Variants in BSN observed in about 807,000 individuals in gnomAD.
BSN encodes the protein protein bassoon.
BSN carries 57 observed loss-of-function variants against 264.8 expected under a neutral mutation model. The ratio of observed to expected loss-of-function variants is 0.22; its 90% confidence interval spans 0.17 to 0.27. BSN has a LOEUF of 0.27. Among genes scored for constraint, BSN ranks in the 10% least tolerant of loss-of-function variants. The pLI is 1.00. For missense variants in BSN, 4,615 were observed against 5,232.5 expected, an observed-to-expected ratio of 0.88 and a Z score of 3.64; for synonymous variants, 2,059 against 2,137.3, an observed-to-expected ratio of 0.96 and a Z score of 1.01.
intron 1 of BSN, among the ~76,000 whole-genome samples, chr3:49,572,694 C>T (rs368979778): frequency 2.5e-4 from 38 of 152,252 alleles, no homozygotes; most frequent in African/African-American, 7.0e-4. Context: ...CCACCACGCC[C>T]GGCTAATTTT....
chr3:49,661,572 G>A lies in BSN; in HGVS notation c.9727G>A (p.Asp3243Asn). Residue 3243 changes from aspartate (D) to asparagine (N), a missense_variant, in exon 6 of 12, where the codon GAC becomes AAC. This residue lies in a region of BSN where 3,415 missense variants were observed against 3,866.4 expected (regional missense o/e 0.88). Transcript: ENST00000296452. ...MIDDISELTK[D>N]STSTAPDSQR... ...TGATGACATCAGTGAACTGACCAAG[G>A]ACAGCACCTCTACTGCTCCTGATAG... The A allele has an allele frequency of 6.2e-7, 1 of 1,613,966 alleles. No individual in the cohort carries two copies. Among genetic ancestry groups the A allele is most frequent in the Non-Finnish European group, 8.5e-7 (1 of 1,180,046 alleles).
intron 2 of BSN, among the ~76,000 whole-genome samples, chr3:49,639,199 C>CT (rs71631022): frequency 0.27 from 36,077 of 133,834 alleles, 5,436 homozygotes; most frequent in Non-Finnish European, 0.3. Context: ...CTTTCTTTTT[C>CT]TTTTTTTTTT....
rs771251606 is a variant in BSN, at chr3:49,653,368, G to C, written c.3812G>C (p.Arg1271Pro). The C allele has an allele frequency of 5.0e-6, 8 of 1,613,320 alleles. No homozygotes were observed. The highest frequency in any genetic ancestry group is 6.8e-6 in the Non-Finnish European group (8 of 1,179,848). ...ACATCACAGAGCATAGTCCGCATGC[G>C]GCAGGCCTCCTCACGAGACCTGGCT... ...LQTSQSIVRM[R>P]QASSRDLAFA... Residue 1271 changes from arginine (R) to proline (P), a missense_variant, in exon 5 of 12, where the codon CGG becomes CCG. Arg to Pro is a moderately radical substitution (Grantham distance 103). This residue lies in a region of BSN where 3,415 missense variants were observed against 3,866.4 expected (regional missense o/e 0.88). Transcript: ENST00000296452. This position sits in a 1 kb window ranked among gnomAD's most constrained non-coding sequence, Gnocchi z 6.3.
chr3:49,659,225 G>A (rs548522286), intron 5 of BSN, among the ~76,000 whole-genome samples: 1 of 152,130 alleles, frequency 6.6e-6, no homozygotes, highest in East Asian at 1.9e-4. Context: ...CCATATAGGG[G>A]TGTGGGTGGG....
chr3:49,575,084 C>T (rs1373957093), intron 1 of BSN, among the ~76,000 whole-genome samples: 1 of 152,034 alleles, frequency 6.6e-6, no homozygotes, highest in Non-Finnish European at 1.5e-5. Flanking sequence ...TGATGGCTCA[C>T]GCCTGTAATC....
rs559709399 is a variant in BSN at position 49,577,579 on chromosome 3, G to A, written c.224+22753G>A. On this transcript the variant is annotated intron_variant, in intron 1 of 11. Coordinates refer to ENST00000296452, the MANE Select transcript of BSN (RefSeq NM_003458.4). ...TTGTGAGACAGAGTCTCGCACTGTC[G>A]CCCAGGCTGGAGCTCAGTGGCATGA... Among the ~76,000 whole-genome samples the A allele has an allele frequency of 6.1e-5, 9 of 147,912 alleles. No homozygotes were observed. In the East Asian group the frequency reaches 9.9e-4, roughly 16 times the overall value.
intron 3 of BSN, among the ~76,000 whole-genome samples, chr3:49,643,759 CT>C (rs2052485911): frequency 6.6e-6 from 1 of 152,218 alleles, no homozygotes; most frequent in South Asian, 2.1e-4. Context: ...GGGCTGGGCT[CT>C]CCTTAGAGCT....
At chr3:49,621,208 TAGAC>T (rs1388904729) in intron 1 of BSN, among the ~76,000 whole-genome samples, 5 of 152,098 alleles carry the variant, frequency 3.3e-5, no homozygotes, top group African/African-American at 1.2e-4. Context: ...AGTTGGCAGT[TAGAC>T]AGGTGAAGAG....
intron 1 of BSN, among the ~76,000 whole-genome samples, chr3:49,567,366 C>T (rs73831441): frequency 0.024 from 3,652 of 152,192 alleles, 158 homozygotes; most frequent in African/African-American, 0.084. Context: ...CTGTTGTTAC[C>T]GTCATTCTGC....
In BSN at chr3:49,605,518, A is replaced by ATATTATATATATTT. The variant is rs1250970033; in HGVS notation, c.225-19454_225-19453insTATATATATTTTAT. ...ATATATAATATATATTATATAATAT[A>ATATTATATATATTT]TATATAATATATAATATATATTATA... On this transcript the variant is annotated intron_variant, in intron 1 of 11. Transcript: ENST00000296452. 6.7e-3 allele frequency among the ~76,000 whole-genome samples: 44 copies of ATATTATATATATTT among 6,524 alleles called. 7 individuals carry two copies. The highest frequency in any genetic ancestry group is 0.016 in the Admixed American group (5 of 310). 4.3% of individuals were successfully genotyped at this position (6,524 alleles called of 152,430 possible). A position where few individuals can be genotyped will look rare whatever the true frequency, so the allele number is the denominator to read the frequency against.
At chr3:49,632,530 G>A (rs188940086) in intron 2 of BSN, among the ~76,000 whole-genome samples, 4 of 152,270 alleles carry the variant, frequency 2.6e-5, no homozygotes, top group East Asian at 1.9e-4. Context: ...GAGGCCAGGC[G>A]CAGTGGCTCA....
At chr3:49,573,323 C>T (rs539744482) in intron 1 of BSN, among the ~76,000 whole-genome samples, 4 of 152,296 alleles carry the variant, frequency 2.6e-5, no homozygotes, top group South Asian at 2.1e-4. Context: ...GGCCCTGAGG[C>T]TCATGATCAA....
At chr3:49,596,529 A>G (rs1290897432) in intron 1 of BSN, among the ~76,000 whole-genome samples, 1 of 152,082 alleles carries the variant, frequency 6.6e-6, no homozygotes, top group Non-Finnish European at 1.5e-5. Context: ...TGTAATTTTA[A>G]TTTTTTGTAG....
intron 1 of BSN, among the ~76,000 whole-genome samples, chr3:49,620,993 G>A (rs1553663605): frequency 6.6e-6 from 1 of 152,168 alleles, no homozygotes; most frequent in Non-Finnish European, 1.5e-5. Context: ...AACCAGGTGG[G>A]GTGAGGAGGA....
At chr3:49,573,656 G>GTT (rs765415502) in intron 1 of BSN, among the ~76,000 whole-genome samples, 10 of 144,102 alleles carry the variant, frequency 6.9e-5, no homozygotes, top group Non-Finnish European at 7.6e-5. Flanking sequence ...CTTTCTCTCT[G>GTT]GTTTTTTTTT....
At position 49,642,619 on chromosome 3, in the gene BSN, G is replaced by A; in HGVS notation, c.985G>A (p.Ala329Thr). ...PPAGEAPAKS[A>T]TAVPAGLGAT... ...TGCAGGAGAGGCCCCGGCCAAAAGT[G>A]CCACCGCAGTGCCCGCTGGGCTTGG... The change falls in exon 3 of 12, where the codon GCC (alanine) becomes ACC (threonine). Residue 329 changes from alanine (A) to threonine (T), a missense_variant. Physicochemically the swap from Ala to Thr is moderately conservative, Grantham distance 58 (BLOSUM62 0). Coordinates refer to ENST00000296452, the MANE Select transcript of BSN (RefSeq NM_003458.4). This position sits in a 1 kb window ranked among gnomAD's most constrained non-coding sequence, Gnocchi z 7.0. 1 of 1,602,688 alleles carries A rather than the reference G, an allele frequency of 6.2e-7. No individual in the cohort carries two copies. Among genetic ancestry groups the A allele is most frequent in the Admixed American group, 1.7e-5 (1 of 59,026 alleles).
At chr3:49,575,557 AAT>A (rs2051839087) in intron 1 of BSN, among the ~76,000 whole-genome samples, 2 of 146,974 alleles carry the variant, frequency 1.4e-5, no homozygotes, top group Non-Finnish European at 1.5e-5. Context: ...TATAGATGTA[AAT>A]ATATATGCGT....
At position 49,625,414 on chromosome 3, in the gene BSN, C is replaced by A; in HGVS notation, c.633+31C>A. 1 of 1,435,640 alleles carries A rather than the reference C, an allele frequency of 7.0e-7. No individual in the cohort carries two copies. The highest frequency in any genetic ancestry group is 2.7e-5 in the East Asian group (1 of 37,654). The allele number at this position is 1,435,640 out of a possible 1,614,324, so 88.9% of individuals were successfully genotyped here. The stretch of plus-strand genomic sequence containing the variant: ...CACTTCTGCGCCGGCTCCCCACTCA[C>A]CTGCTACCTCATTACCATACCTCCC... On this transcript the variant is annotated intron_variant, in intron 2 of 11. Coordinates refer to ENST00000296452, the MANE Select transcript of BSN (RefSeq NM_003458.4). This position sits in a 1 kb window ranked among gnomAD's most constrained non-coding sequence, Gnocchi z 4.4.
At chr3:49,617,218 G>T (rs531612572) in intron 1 of BSN, among the ~76,000 whole-genome samples, 1 of 150,316 alleles carries the variant, frequency 6.7e-6, no homozygotes, top group South Asian at 2.1e-4. Context: ...GTATACCTAT[G>T]TAACAAACCT....
Sources: gnomAD v4.1 joint callset for allele counts (sites outside exome capture counted in the v4.1 genomes callset) on GRCh38, gnomAD v4.1.1 for gene constraint, gnomAD v4.1.1 regional missense constraint, Gnocchi (gnomAD v3.1) non-coding constraint, MANE v1.5 for transcripts, NCBI Gene and HGNC (gene_info 2026-07-23, HGNC 2026-07-21) for gene names.